Variants in YIPF4 observed in about 807,000 individuals in gnomAD.
The protein encoded by YIPF4 is protein YIPF4.
A neutral mutation model predicts 29.4 loss-of-function variants in YIPF4; 18 were observed. That is an observed-to-expected ratio of 0.61 (90% CI 0.42 to 0.91). The LOEUF is 0.91. YIPF4 is among the 40% of genes least tolerant of loss of function. YIPF4 has a pLI of 0.00. For missense variants in YIPF4, 279 were observed against 282.7 expected, an observed-to-expected ratio of 0.99 and a Z score of 0.09; for synonymous variants, 115 against 104.7, an observed-to-expected ratio of 1.10 and a Z score of -0.60.
chr2:32,293,801 C>T (rs1188308335), intron 3 of YIPF4, among the ~76,000 whole-genome samples: 11 of 146,026 alleles, frequency 7.5e-5, no homozygotes, highest in Admixed American at 2.7e-4. Flanking sequence ...TGGGCAGAGG[C>T]GCCCCTCACC....
Position 32,294,330 on chromosome 2 carries a change from C to G in YIPF4, c.405+1982C>G, listed in dbSNP as rs569455702. Among the ~76,000 whole-genome samples the G allele has an allele frequency of 6.7e-3, 970 of 143,874 alleles. 10 individuals are homozygous for G. The highest frequency in any genetic ancestry group is 0.024 in the African/African-American group (921 of 38,410). 94.4% of individuals were successfully genotyped at this position (143,874 alleles called of 152,430 possible). On this transcript the variant is annotated intron_variant, in intron 3 of 5. Coordinates refer to ENST00000238831, the MANE Select transcript of YIPF4 (RefSeq NM_032312.4). ...TCAGACGGGGCGGCTGCCGGGCGGACGGGCTCCTCACTTCTCAGACAGGGC... is the reference window on the plus strand; with the variant it reads ...TCAGACGGGGCGGCTGCCGGGCGGAGGGGCTCCTCACTTCTCAGACAGGGC...
chr2:32,281,652 C>T (rs2030419292), intron 1 of YIPF4, among the ~76,000 whole-genome samples: 2 of 152,160 alleles, frequency 1.3e-5, no homozygotes, highest in Non-Finnish European at 1.5e-5. Context: ...GCACTTTAGG[C>T]TGAGGTGGGC....
chr2:32,305,899 G>A lies in YIPF4; in HGVS notation c.*273G>A. 2 of 1,051,322 alleles carry A rather than the reference G, an allele frequency of 1.9e-6. No homozygotes were observed. Among genetic ancestry groups the A allele is most frequent in the African/African-American group, 1.7e-5 (1 of 59,876 alleles). 65.1% of individuals were successfully genotyped at this position (1,051,322 alleles called of 1,614,324 possible). On this transcript the variant is annotated 3_prime_UTR_variant, in exon 6 of 6. Coordinates refer to ENST00000238831, the MANE Select transcript of YIPF4 (RefSeq NM_032312.4). ...AGCATTGTGTTTTTAAGATTGTGTC[G>A]ATATTCACCTAAAAACTTGTGCCAA...
intron 3 of YIPF4, among the ~76,000 whole-genome samples, chr2:32,292,909 A>T (rs1014508564): frequency 6.6e-6 from 1 of 150,426 alleles, no homozygotes; most frequent in African/African-American, 2.4e-5. Flanking sequence ...TGTATGGCAC[A>T]CTGGGGTAAA....
At chr2:32,279,666 C>T (rs57785053) in intron 1 of YIPF4, among the ~76,000 whole-genome samples, 31,826 of 150,788 alleles carry the variant, frequency 0.21, 3,989 homozygotes, top group East Asian at 0.53. Context: ...GCCTCGGCCT[C>T]CCAAAGTGCT....
intron 5 of YIPF4, among the ~76,000 whole-genome samples, chr2:32,301,989 G>C (rs189010575): frequency 6.6e-6 from 1 of 151,948 alleles, no homozygotes; most frequent in African/African-American, 2.4e-5. Context: ...ACAGGCATGA[G>C]CCACCACACC....
intron 1 of YIPF4, among the ~76,000 whole-genome samples, chr2:32,283,780 C>T (rs1317865394): frequency 6.6e-6 from 1 of 151,208 alleles, no homozygotes; most frequent in African/African-American, 2.4e-5. Context: ...TGCAATGGCG[C>T]AATCTTGGCT....
intron 1 of YIPF4, among the ~76,000 whole-genome samples, chr2:32,283,676 A>T (rs1262739169): frequency 1.3e-5 from 2 of 152,098 alleles, no homozygotes; most frequent in Non-Finnish European, 2.9e-5. Context: ...ATCACAAAAG[A>T]ATTATTTGTT....
intron 4 of YIPF4, among the ~76,000 whole-genome samples, chr2:32,299,948 T>C (rs887182928): frequency 1.3e-5 from 2 of 150,716 alleles, no homozygotes; most frequent in African/African-American, 4.9e-5. Flanking sequence ...GCCTGGCCAG[T>C]GTGGTGAAAC....
At chr2:32,298,456 G>C in intron 4 of YIPF4, 145 bp downstream of exon 4, 1 of 568,048 alleles carries the variant, frequency 1.8e-6, no homozygotes, top group Non-Finnish European at 3.0e-6. Flanking sequence ...CAACATATTA[G>C]TATTGTGCTT....
At chr2:32,289,554 G>GTTATT (rs1487647606) in intron 1 of YIPF4, among the ~76,000 whole-genome samples, 1 of 152,168 alleles carries the variant, frequency 6.6e-6, no homozygotes, top group Non-Finnish European at 1.5e-5. Context: ...TGCACTGACA[G>GTTATT]TATTGATGGT....
At chr2:32,292,969 C>T (rs2030983678) in intron 3 of YIPF4, among the ~76,000 whole-genome samples, 1 of 151,212 alleles carries the variant, frequency 6.6e-6, no homozygotes, top group Non-Finnish European at 1.5e-5. Context: ...GGTGCACCTT[C>T]TGATTTTCCC....
At chr2:32,304,631 A>G (rs1284536916) in intron 5 of YIPF4, among the ~76,000 whole-genome samples, 1 of 152,194 alleles carries the variant, frequency 6.6e-6, no homozygotes. Flanking sequence ...GCTGCTAACC[A>G]TCCTACAATG....
At chr2:32,303,512 A>G (rs915988454) in intron 5 of YIPF4, among the ~76,000 whole-genome samples, 2 of 152,058 alleles carry the variant, frequency 1.3e-5, no homozygotes, top group Admixed American at 6.6e-5. Flanking sequence ...TCGAGACTCA[A>G]CCATTTCTCC....
chr2:32,303,231 G>T (rs1329717814), intron 5 of YIPF4, among the ~76,000 whole-genome samples: 2 of 152,062 alleles, frequency 1.3e-5, no homozygotes, highest in Non-Finnish European at 2.9e-5. Context: ...GTGGTGGCGG[G>T]TACCTGTGGT....
At chr2:32,295,330 C>T (rs1213485137) in intron 3 of YIPF4, among the ~76,000 whole-genome samples, 1 of 152,134 alleles carries the variant, frequency 6.6e-6, no homozygotes, top group African/African-American at 2.4e-5. Context: ...TTTCTGGTGG[C>T]TGCTCTAATA....
intron 1 of YIPF4, 122 bp downstream of exon 1, chr2:32,278,356 T>G: frequency 1.1e-6 from 1 of 950,222 alleles, no homozygotes; most frequent in Non-Finnish European, 1.5e-6. Flanking sequence ...GACTGGTGAC[T>G]GCAGCCCACC....
At chr2:32,280,633 C>T (rs1193891882) in intron 1 of YIPF4, among the ~76,000 whole-genome samples, 2 of 152,080 alleles carry the variant, frequency 1.3e-5, no homozygotes, top group Admixed American at 6.6e-5. Context: ...CTGCCTGCCT[C>T]GGCCTCCCAA....
At chr2:32,288,996 C>G (rs1193267486) in intron 1 of YIPF4, among the ~76,000 whole-genome samples, 1 of 152,078 alleles carries the variant, frequency 6.6e-6, no homozygotes, top group Non-Finnish European at 1.5e-5. Context: ...CTCTTTGTAT[C>G]TATTAGAAAT....
Sources: gnomAD v4.1 joint callset for allele counts (sites outside exome capture counted in the v4.1 genomes callset) on GRCh38, gnomAD v4.1.1 for gene constraint, MANE v1.5 for transcripts, NCBI Gene and HGNC (gene_info 2026-07-23, HGNC 2026-07-21) for gene names.